IL1RAPL1: variants seen among roughly 807,000 people sequenced by gnomAD.
The protein encoded by IL1RAPL1 is interleukin 1 receptor accessory protein like 1, also known as interleukin-1 receptor accessory protein-like 1.
Under a neutral mutation model 48.4 loss-of-function variants are expected in IL1RAPL1, and 3 were observed. The observed-to-expected ratio is 0.06, with a 90% CI of 0.03 to 0.16. The LOEUF (loss-of-function observed/expected upper bound fraction) is 0.16, where lower values mean the gene tolerates loss of function less well. Among genes scored for constraint, IL1RAPL1 ranks in the 10% least tolerant of loss-of-function variants. The pLI is 1.00. For synonymous variants in IL1RAPL1, 185 were observed against 187.7 expected (o/e 0.99, Z 0.12); for missense variants, 349 against 530.6 (o/e 0.66, Z 3.36).
chrX:29,724,469 T>C (rs958649627), intron 6 of IL1RAPL1, among the ~76,000 whole-genome samples: 4 of 112,323 alleles, frequency 3.6e-5, no homozygotes, highest in Non-Finnish European at 7.5e-5. Flanking sequence ...ACATTGACAA[T>C]TACAAAGCTA....
chrX:29,079,586 A>G (rs1333890649), intron 2 of IL1RAPL1, among the ~76,000 whole-genome samples: 1 of 109,608 alleles, frequency 9.1e-6, no homozygotes, highest in Non-Finnish European at 1.9e-5. Flanking sequence ...TCTCCACTAG[A>G]CAGCCAGAGT....
At chrX:29,310,026 A>G (rs780645311) in intron 3 of IL1RAPL1, among the ~76,000 whole-genome samples, 7 of 92,907 alleles carry the variant, frequency 7.5e-5, no homozygotes, top group African/African-American at 2.0e-4. Context: ...ACCGGGAGGC[A>G]GAGCTTGCAG....
chrX:29,855,563 G>C (rs1391372349), intron 6 of IL1RAPL1, among the ~76,000 whole-genome samples: 1 of 111,334 alleles, frequency 9.0e-6, no homozygotes, highest in Non-Finnish European at 1.9e-5. Context: ...TAAGTTATTT[G>C]AACCAGCATA....
chrX:28,690,262 A>T (rs1354346629), intron 1 of IL1RAPL1, among the ~76,000 whole-genome samples: 1 of 111,772 alleles, frequency 8.9e-6, no homozygotes, highest in African/African-American at 3.3e-5. Context: ...GGGTCTGTTA[A>T]TCGTACTTTC....
At chrX:28,782,753 C>T (rs776518071) in intron 1 of IL1RAPL1, among the ~76,000 whole-genome samples, 27 of 111,332 alleles carry the variant, frequency 2.4e-4, no homozygotes, top group Admixed American at 1.7e-3. Flanking sequence ...AGATTTTAAA[C>T]GGTTTTGGGT....
intron 6 of IL1RAPL1, among the ~76,000 whole-genome samples, chrX:29,777,518 A>G (rs774827857): frequency 1.2e-4 from 13 of 112,047 alleles, no homozygotes; most frequent in Non-Finnish European, 1.7e-4. Context: ...TCACATGGAC[A>G]TGTCTAATTG....
At chrX:29,456,959 C>T (rs761762780) in intron 5 of IL1RAPL1, among the ~76,000 whole-genome samples, 1 of 109,727 alleles carries the variant, frequency 9.1e-6, no homozygotes, top group African/African-American at 3.3e-5. Context: ...ATAGTGGGAG[C>T]TTGTCTCTAC....
At chrX:29,351,631 T>C (rs1042375765) in intron 3 of IL1RAPL1, among the ~76,000 whole-genome samples, 2 of 112,459 alleles carry the variant, frequency 1.8e-5, no homozygotes, top group South Asian at 7.3e-4. Flanking sequence ...ATATCGAATG[T>C]ACATGGTAAG....
chrX:29,040,934 G>A (rs1055318010), intron 2 of IL1RAPL1, among the ~76,000 whole-genome samples: 1 of 112,127 alleles, frequency 8.9e-6, no homozygotes, highest in Non-Finnish European at 1.9e-5. Context: ...AAAATAAAGA[G>A]GACATTTTAC....
At chrX:29,627,715 G>A (rs970172439) in intron 5 of IL1RAPL1, among the ~76,000 whole-genome samples, 1 of 111,204 alleles carries the variant, frequency 9.0e-6, no homozygotes, top group Non-Finnish European at 1.9e-5. Context: ...ATTCAGCAAA[G>A]GCATACAAGC....
At chrX:29,593,201 T>G (rs1022766712) in intron 5 of IL1RAPL1, among the ~76,000 whole-genome samples, 6 of 111,148 alleles carry the variant, frequency 5.4e-5, no homozygotes, top group African/African-American at 2.0e-4. Context: ...CATTCCTCCC[T>G]CCTCCTCCAC....
At chrX:29,236,601 GGAGTA>G (rs1931308943) in intron 2 of IL1RAPL1, among the ~76,000 whole-genome samples, 1 of 86,978 alleles carries the variant, frequency 1.1e-5, no homozygotes, top group Non-Finnish European at 2.1e-5. Context: ...CACCCAGGCT[GGAGTA>G]CAGTGGTGCG....
At chrX:29,201,734 T>A (rs902985107) in intron 2 of IL1RAPL1, among the ~76,000 whole-genome samples, 19 of 109,879 alleles carry the variant, frequency 1.7e-4, no homozygotes, top group Non-Finnish European at 3.4e-4. Flanking sequence ...TCTTGTTGCC[T>A]GGGCTAGAGT....
rs184863332 is a variant in IL1RAPL1, at chrX:29,099,199, T to C, written c.83-183739T>C. Reference sequence around the variant, plus strand: ...AACAATCTTTAACGTATGATGGTATTAGCTGTCATTTAAAGAAGATTTTTA... The same window carrying C: ...AACAATCTTTAACGTATGATGGTATCAGCTGTCATTTAAAGAAGATTTTTA... On this transcript the variant is annotated intron_variant, in intron 2 of 10. Transcript: ENST00000378993. 7.0e-4 allele frequency among the ~76,000 whole-genome samples: 78 copies of C among 111,788 alleles called. No homozygotes were observed. In the Middle Eastern group the frequency reaches 0.014, roughly 20 times the overall value.
intron 1 of IL1RAPL1, among the ~76,000 whole-genome samples, chrX:28,726,326 T>C (rs1390674139): frequency 1.8e-5 from 2 of 112,357 alleles, no homozygotes; most frequent in Non-Finnish European, 1.9e-5. Flanking sequence ...TTAAGGATAA[T>C]AATTTGGTTC....
At chrX:29,695,885 T>G (rs1358392108) in intron 6 of IL1RAPL1, among the ~76,000 whole-genome samples, 1 of 111,415 alleles carries the variant, frequency 9.0e-6, no homozygotes, top group Non-Finnish European at 1.9e-5. Flanking sequence ...CTATTCTTAT[T>G]GCTAAATCAT....
intron 5 of IL1RAPL1, among the ~76,000 whole-genome samples, chrX:29,527,878 A>C (rs938483537): frequency 8.9e-6 from 1 of 112,049 alleles, no homozygotes; most frequent in Non-Finnish European, 1.9e-5. Flanking sequence ...TACAAAAAAT[A>C]TATAAATGAT....
chrX:29,714,221 G>A (rs781750549), intron 6 of IL1RAPL1, among the ~76,000 whole-genome samples: 8 of 111,406 alleles, frequency 7.2e-5, no homozygotes, highest in Admixed American at 9.6e-5. Flanking sequence ...CTGTATTTAC[G>A]TATGTTTTCT....
intron 1 of IL1RAPL1, among the ~76,000 whole-genome samples, chrX:28,788,395 T>C (rs1936495590): frequency 8.9e-6 from 1 of 111,894 alleles, no homozygotes; most frequent in African/African-American, 3.3e-5. Context: ...TAGGTTAGTG[T>C]CCCTTCTTAT....
Sources: allele counts gnomAD v4.1 joint callset (sites outside exome capture counted in the v4.1 genomes callset), GRCh38; gene constraint gnomAD v4.1.1; transcripts MANE v1.5; gene names NCBI Gene and HGNC (gene_info 2026-07-23, HGNC 2026-07-21).